The following KCNK2 variants were observed in gnomAD, a reference collection of about 807,000 sequenced individuals.
KCNK2 encodes potassium two pore domain channel subfamily K member 2, also known as potassium channel subfamily K member 2.
Under a neutral mutation model 40.5 loss-of-function variants are expected in KCNK2, and 21 were observed. The ratio of observed to expected loss-of-function variants is 0.52; its 90% CI spans 0.37 to 0.75. KCNK2 has a LOEUF of 0.75. KCNK2 is among the 30% of genes least tolerant of loss of function. The probability of loss-of-function intolerance (pLI) is 0.00; values close to 1 mark genes in which losing one functional copy is unlikely to be tolerated. For synonymous variants in KCNK2, 191 were observed against 202.2 expected (o/e 0.94, Z 0.47); for missense variants, 399 against 531.6 (o/e 0.75, Z 2.45).
chr1:215,033,315 T>A (rs12087979), intron 1 of KCNK2, among the ~76,000 whole-genome samples: 3,188 of 152,260 alleles, frequency 0.021, 113 homozygotes, highest in African/African-American at 0.073. Context: ...TTAGTCATAA[T>A]TGTTCAAATT....
chr1:215,158,898 T>A (rs1013780371), intron 3 of KCNK2, among the ~76,000 whole-genome samples: 3 of 152,026 alleles, frequency 2.0e-5, no homozygotes, highest in Non-Finnish European at 4.4e-5. Flanking sequence ...ACTTGGCAAG[T>A]CCTTCAAGTT....
At position 215,122,685 on chromosome 1, in the gene KCNK2, A is replaced by C. The variant is rs1661238241; in HGVS notation, c.358-1948A>C. ...TGGGGGGCAGTTGTAAATGGAAACA[A>C]CCTTCTAAGATACTTATTCGCTACT... On this transcript the variant is annotated intron_variant, in intron 2 of 6. Coordinates refer to ENST00000444842, the MANE Select transcript of KCNK2 (RefSeq NM_001017425.3). Among the ~76,000 whole-genome samples, 3 of 151,710 alleles carry C rather than the reference A, an allele frequency of 2.0e-5. No homozygotes were observed. In the South Asian group the frequency reaches 6.2e-4, roughly 31 times the overall value.
chr1:215,158,978 C>A (rs186340643), intron 3 of KCNK2, among the ~76,000 whole-genome samples: 63 of 152,126 alleles, frequency 4.1e-4, no homozygotes, highest in Middle Eastern at 6.8e-3. Context: ...GAGTTCTATT[C>A]TTGGATCATG....
chr1:215,169,142 A>G, intron 3 of KCNK2, 57 bp from the exon 4 acceptor site: 1 of 1,382,706 alleles, frequency 7.2e-7, no homozygotes, highest in Non-Finnish European at 9.9e-7. Flanking sequence ...ATCAATCTTG[A>G]GTTCATATGT....
At chr1:215,191,427 G>A (rs1664662758) in intron 5 of KCNK2, among the ~76,000 whole-genome samples, 2 of 152,156 alleles carry the variant, frequency 1.3e-5, no homozygotes, top group Admixed American at 1.3e-4. Context: ...AAATGTTTAG[G>A]AAACCTGCTT....
upstream of KCNK2, among the ~76,000 whole-genome samples, chr1:215,079,537 A>G (rs762066495): frequency 4.6e-5 from 7 of 152,222 alleles, no homozygotes; most frequent in South Asian, 2.1e-4. Flanking sequence ...TTAAGCAACC[A>G]GATGTCATGA....
chr1:215,097,854 T>C (rs1163606122), intron 2 of KCNK2, among the ~76,000 whole-genome samples: 1 of 151,998 alleles, frequency 6.6e-6, no homozygotes, highest in Non-Finnish European at 1.5e-5. Flanking sequence ...TTCTGGGAAA[T>C]GAAAGGTGGC....
intron 6 of KCNK2, among the ~76,000 whole-genome samples, chr1:215,209,244 A>G (rs1413040032): frequency 2.4e-5 from 3 of 125,942 alleles, no homozygotes; most frequent in Non-Finnish European, 4.7e-5. Context: ...ATATATAAAT[A>G]TACACATATC....
chr1:215,039,358 A>C (rs1392222045), intron 1 of KCNK2, among the ~76,000 whole-genome samples: 1 of 152,180 alleles, frequency 6.6e-6, no homozygotes, highest in Non-Finnish European at 1.5e-5. Flanking sequence ...CACTTATCAG[A>C]GAAGCCACTG....
At chr1:215,210,142 A>G (rs1342389853) in intron 6 of KCNK2, among the ~76,000 whole-genome samples, 3 of 143,626 alleles carry the variant, frequency 2.1e-5, no homozygotes, top group Admixed American at 1.5e-4. Flanking sequence ...CTATAAATAT[A>G]TAGTACATAT....
At chr1:215,114,770 T>A (rs1660846004) in intron 2 of KCNK2, among the ~76,000 whole-genome samples, 1 of 152,096 alleles carries the variant, frequency 6.6e-6, no homozygotes, top group South Asian at 2.1e-4. Flanking sequence ...TATTAAGAAG[T>A]TTTACCTGGA....
intron 1 of KCNK2, among the ~76,000 whole-genome samples, chr1:215,053,760 A>C (rs1427195591): frequency 2.0e-5 from 3 of 152,208 alleles, no homozygotes; most frequent in Admixed American, 6.5e-5. Context: ...TAAGGCCAGG[A>C]GTTCGAGACC....
intron 3 of KCNK2, among the ~76,000 whole-genome samples, chr1:215,146,713 G>A (rs1558111965): frequency 6.6e-6 from 1 of 152,108 alleles, no homozygotes; most frequent in Non-Finnish European, 1.5e-5. Context: ...CATATCTCTC[G>A]CCTTAATCTC....
chr1:215,102,887 T>A (rs532625512), intron 2 of KCNK2, among the ~76,000 whole-genome samples: 4 of 152,158 alleles, frequency 2.6e-5, no homozygotes, highest in African/African-American at 9.6e-5. Flanking sequence ...GTACACTCTA[T>A]GAAGTTCACA....
At chr1:215,216,160 T>C (rs953215967) in intron 6 of KCNK2, among the ~76,000 whole-genome samples, 2 of 152,086 alleles carry the variant, frequency 1.3e-5, no homozygotes, top group African/African-American at 4.8e-5. Context: ...CTTGTTGAAA[T>C]AGGATGAGGG....
intron 2 of KCNK2, among the ~76,000 whole-genome samples, chr1:215,088,068 A>G (rs1024140716): frequency 6.6e-6 from 1 of 152,012 alleles, no homozygotes; most frequent in Non-Finnish European, 1.5e-5. Context: ...TGGCAGTGAA[A>G]GTGTCAGCTA....
chr1:215,137,065 T>A (rs1661955422), intron 3 of KCNK2, among the ~76,000 whole-genome samples: 1 of 152,210 alleles, frequency 6.6e-6, no homozygotes, highest in Admixed American at 6.5e-5. Flanking sequence ...CCTTCCTAGA[T>A]GATGGTTTCA....
intron 1 of KCNK2, among the ~76,000 whole-genome samples, chr1:215,006,829 A>T (rs985314329): frequency 1.5e-4 from 22 of 151,624 alleles, no homozygotes; most frequent in Middle Eastern, 6.8e-3. Flanking sequence ...ATTCTATTTA[A>T]CAAGAACTAT....
chr1:215,198,220 T>C (rs1194135112), intron 6 of KCNK2, among the ~76,000 whole-genome samples: 1 of 152,172 alleles, frequency 6.6e-6, no homozygotes, highest in East Asian at 1.9e-4. Context: ...TTTCTGGTGA[T>C]TGCATCTGTC....
Sources: allele counts gnomAD v4.1 joint callset (sites outside exome capture counted in the v4.1 genomes callset), GRCh38; gene constraint gnomAD v4.1.1; transcripts MANE v1.5; gene names NCBI Gene and HGNC (gene_info 2026-07-23, HGNC 2026-07-21).